The following STK38L variants were observed in gnomAD, a reference collection of about 807,000 sequenced individuals.
STK38L encodes the protein serine/threonine-protein kinase 38-like.
STK38L carries 28 observed loss-of-function variants against 59.7 expected under a neutral mutation model. The ratio of observed to expected loss-of-function variants is 0.47; its 90% CI spans 0.35 to 0.64. The LOEUF is 0.64. Among genes scored for constraint, STK38L ranks in the 30% least tolerant of loss-of-function variants. STK38L has a pLI of 0.01. For missense variants in STK38L, 314 were observed against 555.8 expected, an observed-to-expected ratio of 0.56 and a Z score of 4.37; for synonymous variants, 162 against 176.8, an observed-to-expected ratio of 0.92 and a Z score of 0.66.
chr12:27,322,545 C>T lies in STK38L; in HGVS notation c.*90C>T. 1 of 1,492,706 alleles carries T rather than the reference C, an allele frequency of 6.7e-7. No individual in the cohort carries two copies. The highest frequency in any genetic ancestry group is 8.9e-7 in the Non-Finnish European group (1 of 1,119,052). 92.5% of individuals were successfully genotyped at this position (1,492,706 alleles called of 1,614,324 possible). On this transcript the variant is annotated 3_prime_UTR_variant, in exon 14 of 14. Coordinates refer to ENST00000389032, the MANE Select transcript of STK38L (RefSeq NM_015000.4). ...GTAGATAACAATACACTGAAATACT[C>T]CTGAAGATGGTGGTGCTTATTGACT...
intron 1 of STK38L, among the ~76,000 whole-genome samples, chr12:27,259,677 A>G (rs1352046880): frequency 6.6e-6 from 1 of 152,018 alleles, no homozygotes; most frequent in Admixed American, 6.6e-5. Context: ...TAACTACACC[A>G]TTTACCTTAA....
chr12:27,249,740 A>G (rs1411339745), intron 1 of STK38L, among the ~76,000 whole-genome samples: 1 of 152,206 alleles, frequency 6.6e-6, no homozygotes, highest in East Asian at 1.9e-4. Flanking sequence ...ATTTATACAG[A>G]AGGCTTCCTG....
intron 1 of STK38L, among the ~76,000 whole-genome samples, chr12:27,246,365 G>A (rs993588685): frequency 5.3e-5 from 8 of 152,118 alleles, no homozygotes; most frequent in African/African-American, 1.9e-4. Context: ...GAGGGAGAAA[G>A]GGCACAAATC....
chr12:27,253,501 C>T (rs1353154996), intron 1 of STK38L, among the ~76,000 whole-genome samples: 3 of 152,064 alleles, frequency 2.0e-5, no homozygotes, highest in African/African-American at 4.8e-5. Context: ...AAGTACATAC[C>T]GTGTGCCAGG....
intron 1 of STK38L, among the ~76,000 whole-genome samples, chr12:27,269,716 C>T (rs1365953136): frequency 2.6e-5 from 4 of 152,180 alleles, no homozygotes; most frequent in African/African-American, 4.8e-5. Context: ...GATCTTGGCT[C>T]ACTGCAACCT....
intron 3 of STK38L, among the ~76,000 whole-genome samples, chr12:27,307,861 G>T (rs923179339): frequency 1.7e-4 from 26 of 151,978 alleles, no homozygotes; most frequent in African/African-American, 6.3e-4. Flanking sequence ...ATTAAAATTT[G>T]CCCAAGAGTA....
chr12:27,274,320 A>G lies in STK38L; in HGVS notation c.-11-23390A>G, dbSNP rs573940904. The stretch of plus-strand genomic sequence containing the variant: ...AAAAAAGGGTGTCCTGTTGGAGTCT[A>G]CGTGTCAGGAGTAGTCTAAATCTTA... On this transcript the variant is annotated intron_variant, in intron 1 of 13. Transcript: ENST00000389032. Among the ~76,000 whole-genome samples, 4 of 152,260 alleles carry G rather than the reference A, an allele frequency of 2.6e-5. No individual in the cohort carries two copies. The East Asian group carries it at 7.7e-4, about 29-fold the overall frequency.
At chr12:27,273,523 A>T (rs1456209904) in intron 1 of STK38L, among the ~76,000 whole-genome samples, 1 of 152,242 alleles carries the variant, frequency 6.6e-6, no homozygotes, top group Non-Finnish European at 1.5e-5. Flanking sequence ...ACCAAATGAG[A>T]TAATGTATAT....
chr12:27,317,310 T>C (rs1944609976), intron 9 of STK38L, 26 bp from the exon 10 acceptor site: 1 of 1,510,076 alleles, frequency 6.6e-7, no homozygotes, highest in Non-Finnish European at 9.1e-7. Context: ...TTAAGAATGC[T>C]GGTTTGACGA....
At chr12:27,290,287 A>T (rs1451960509) in intron 1 of STK38L, among the ~76,000 whole-genome samples, 2 of 152,236 alleles carry the variant, frequency 1.3e-5, no homozygotes, top group Non-Finnish European at 1.5e-5. Flanking sequence ...CTAAAGTGAC[A>T]CAGCTAGTGA....
chr12:27,318,722 C>T, intron 11 of STK38L, among the ~76,000 whole-genome samples: 1 of 152,132 alleles, frequency 6.6e-6, no homozygotes, highest in East Asian at 1.9e-4. Flanking sequence ...CTGGGCACAG[C>T]AGCTCATGCC....
At position 27,287,163 on chromosome 12, in the gene STK38L, G is replaced by A. The variant is rs143276578; in HGVS notation, c.-11-10547G>A. On this transcript the variant is annotated intron_variant, in intron 1 of 13. Transcript: ENST00000389032. ...CGCCCAGGCTGGAGTGCAATGGTGC[G>A]TGTGACATCTTGGCTCACTGCAACC... Among the ~76,000 whole-genome samples, 1,205 of 150,202 alleles carry A rather than the reference G, an allele frequency of 8.0e-3. 12 individuals carry two copies. Among genetic ancestry groups the A allele is most frequent in the Non-Finnish European group, 0.014 (928 of 67,762 alleles).
At chr12:27,286,104 C>T (rs1011069541) in intron 1 of STK38L, among the ~76,000 whole-genome samples, 1 of 152,086 alleles carries the variant, frequency 6.6e-6, no homozygotes, top group African/African-American at 2.4e-5. Context: ...AGTTTTGTTC[C>T]ATGACATCCA....
intron 1 of STK38L, among the ~76,000 whole-genome samples, chr12:27,285,019 CTT>C (rs1943740795): frequency 6.6e-6 from 1 of 152,154 alleles, no homozygotes; most frequent in South Asian, 2.1e-4. Flanking sequence ...AAAAAAGTCT[CTT>C]GGGAGAGTTT....
At chr12:27,321,083 T>A (rs1250761333) in intron 12 of STK38L, among the ~76,000 whole-genome samples, 1 of 152,214 alleles carries the variant, frequency 6.6e-6, no homozygotes, top group Admixed American at 6.5e-5. Flanking sequence ...TGCTAGTTAA[T>A]AACAAGGAAG....
At chr12:27,276,044 A>C (rs1021127013) in intron 1 of STK38L, among the ~76,000 whole-genome samples, 2 of 152,198 alleles carry the variant, frequency 1.3e-5, no homozygotes, top group Non-Finnish European at 2.9e-5. Flanking sequence ...AAGACTTAAT[A>C]GAATGATATT....
intron 1 of STK38L, among the ~76,000 whole-genome samples, chr12:27,258,707 T>C (rs1943141252): frequency 6.6e-6 from 1 of 152,246 alleles, no homozygotes; most frequent in Admixed American, 6.5e-5. Context: ...TATAATTCTT[T>C]ACATTTTCTC....
chr12:27,263,488 C>T (rs1405779997), intron 1 of STK38L, among the ~76,000 whole-genome samples: 1 of 152,106 alleles, frequency 6.6e-6, no homozygotes, highest in Non-Finnish European at 1.5e-5. Flanking sequence ...CTTTGAGGAC[C>T]CCAGTGATGA....
chr12:27,251,662 TAATC>T (rs1429363544), intron 1 of STK38L, among the ~76,000 whole-genome samples: 1 of 152,244 alleles, frequency 6.6e-6, no homozygotes, highest in East Asian at 1.9e-4. Context: ...ATAAATGATA[TAATC>T]AAATGTTCTG....
Sources: gnomAD v4.1 joint callset for allele counts (sites outside exome capture counted in the v4.1 genomes callset) on GRCh38, gnomAD v4.1.1 for gene constraint, MANE v1.5 for transcripts, NCBI Gene and HGNC (gene_info 2026-07-23, HGNC 2026-07-21) for gene names.